Variants in SGPP2 observed in about 807,000 individuals in gnomAD.
SGPP2 encodes the protein sphingosine 1-phosphate phosphohydrolase 2.
SGPP2 carries 30 observed loss-of-function variants against 33.9 expected under a neutral mutation model. The observed-to-expected ratio is 0.89, with a 90% CI of 0.66 to 1.20. The LOEUF is 1.20. Ranked by LOEUF, SGPP2 falls within the 50% of genes most tolerant of loss-of-function variation. SGPP2 has a pLI of 0.00. For synonymous variants in SGPP2, 233 were observed against 225.0 expected (o/e 1.04, Z -0.32); for missense variants, 458 against 532.1 (o/e 0.86, Z 1.37).
intron 1 of SGPP2, among the ~76,000 whole-genome samples, chr2:222,441,902 C>G (rs1333286242): frequency 1.3e-5 from 2 of 152,090 alleles, no homozygotes; most frequent in African/African-American, 4.8e-5. Context: ...ATTTATTAAA[C>G]TATGTGAAGT....
intron 4 of SGPP2, among the ~76,000 whole-genome samples, chr2:222,532,358 AG>A (rs1698851718): frequency 6.6e-6 from 1 of 152,226 alleles, no homozygotes; most frequent in South Asian, 2.1e-4. Flanking sequence ...GAGCAATTCA[AG>A]GAGAGAAATA....
chr2:222,537,108 G>A (rs1018863271), intron 4 of SGPP2, among the ~76,000 whole-genome samples: 20 of 152,204 alleles, frequency 1.3e-4, no homozygotes, highest in African/African-American at 4.8e-4. Context: ...GGGGCAAACT[G>A]TGTGCCTCAG....
chr2:222,467,355 A>T (rs929484958), intron 1 of SGPP2, among the ~76,000 whole-genome samples: 6 of 152,134 alleles, frequency 3.9e-5, no homozygotes, highest in Non-Finnish European at 7.4e-5. Context: ...CTGTTGAGAC[A>T]TTTCTTTGCC....
At chr2:222,434,336 C>T (rs1315724363) in intron 1 of SGPP2, among the ~76,000 whole-genome samples, 1 of 152,112 alleles carries the variant, frequency 6.6e-6, no homozygotes, top group Non-Finnish European at 1.5e-5. Context: ...TGGGGCACAG[C>T]GCAATATCTC....
chr2:222,510,453 C>A (rs956798538), intron 2 of SGPP2, among the ~76,000 whole-genome samples: 1 of 152,184 alleles, frequency 6.6e-6, no homozygotes, highest in Non-Finnish European at 1.5e-5. Context: ...GGAAACAAAC[C>A]CGTAGATAGA....
chr2:222,491,649 A>C (rs1698199044), intron 2 of SGPP2, among the ~76,000 whole-genome samples: 1 of 152,194 alleles, frequency 6.6e-6, no homozygotes, highest in Non-Finnish European at 1.5e-5. Context: ...ATTTGAGATA[A>C]GAGTTGAGTA....
At chr2:222,454,269 A>G (rs1197917370) in intron 1 of SGPP2, among the ~76,000 whole-genome samples, 1 of 152,204 alleles carries the variant, frequency 6.6e-6, no homozygotes, top group South Asian at 2.1e-4. Context: ...AACGGGAAAT[A>G]TGACTCAGGT....
rs567418003 is a variant in SGPP2 at position 222,425,220 on chromosome 2, C to T, written c.219+399C>T. On this transcript the variant is annotated intron_variant, in intron 1 of 4. Coordinates refer to ENST00000321276, the MANE Select transcript of SGPP2 (RefSeq NM_152386.4). ...CCCCACCCCCGTATTCTTGCATTTC[C>T]GCCCATCCCCCTTCCCTGATGCGCA... Among the ~76,000 whole-genome samples the T allele has an allele frequency of 5.9e-5, 9 of 152,210 alleles. No individual in the cohort carries two copies. In the East Asian group the frequency reaches 1.5e-3, roughly 26 times the overall value.
chr2:222,545,228 G>A (rs1468507597), intron 4 of SGPP2, among the ~76,000 whole-genome samples: 1 of 150,548 alleles, frequency 6.6e-6, no homozygotes, highest in Non-Finnish European at 1.5e-5. Context: ...ACAGAACAAC[G>A]CTTAATGTAA....
intron 4 of SGPP2, among the ~76,000 whole-genome samples, chr2:222,552,815 A>G (rs896751322): frequency 5.3e-5 from 8 of 152,142 alleles, no homozygotes; most frequent in Non-Finnish European, 1.2e-4. Context: ...AGCTAAGATC[A>G]CACCATTGCA....
intron 4 of SGPP2, among the ~76,000 whole-genome samples, chr2:222,532,272 C>T (rs1574881890): frequency 6.7e-6 from 1 of 148,310 alleles, no homozygotes; most frequent in East Asian, 2.0e-4. Context: ...GAAACTCTGT[C>T]TCAAAAAAGA....
At chr2:222,496,850 T>C (rs555610680) in intron 2 of SGPP2, among the ~76,000 whole-genome samples, 3 of 152,324 alleles carry the variant, frequency 2.0e-5, no homozygotes, top group East Asian at 3.9e-4. Context: ...TGGTTTCTTA[T>C]TGCTTCTTGA....
intron 4 of SGPP2, among the ~76,000 whole-genome samples, chr2:222,542,804 T>A (rs1699017476): frequency 6.6e-6 from 1 of 151,932 alleles, no homozygotes; most frequent in South Asian, 2.1e-4. Context: ...TCCAAACTTC[T>A]TTTTCTTTTC....
chr2:222,459,328 G>T lies in SGPP2; in HGVS notation c.220-15240G>T, dbSNP rs554589593. ...CACCTGGCTAATTTTTATATTTTTT[G>T]TAGGGACAACAGGGTTTTACCATTT... On this transcript the variant is annotated intron_variant, in intron 1 of 4. Transcript: ENST00000321276. Among the ~76,000 whole-genome samples the T allele has an allele frequency of 1.7e-3, 253 of 151,540 alleles. 2 individuals carry two copies. The Middle Eastern group carries it at 0.017, about 10-fold the overall frequency.
chr2:222,452,766 T>A, intron 1 of SGPP2: 1 of 1,474,618 alleles, frequency 6.8e-7, no homozygotes, highest in Non-Finnish European at 9.5e-7. Context: ...TTCCTGGTGG[T>A]AAGAAGAGTA....
intron 1 of SGPP2, chr2:222,452,332 G>T: frequency 1.5e-6 from 1 of 668,708 alleles, no homozygotes; most frequent in Admixed American, 1.9e-5. Flanking sequence ...TGAGGGAGGG[G>T]AGGAGGGGAG....
chr2:222,458,227 T>A lies in SGPP2; in HGVS notation c.220-16341T>A, dbSNP rs56981243. ...CCATGCCTAGCTATTTTTTTTTTTTTAATTTTTTGTAGAGATGGAGAGTCA... is the reference window on the plus strand; with the variant it reads ...CCATGCCTAGCTATTTTTTTTTTTTAAATTTTTTGTAGAGATGGAGAGTCA... On this transcript the variant is annotated intron_variant, in intron 1 of 4. Coordinates refer to ENST00000321276, the MANE Select transcript of SGPP2 (RefSeq NM_152386.4). Among the ~76,000 whole-genome samples the A allele has an allele frequency of 7.9e-3, 1,201 of 151,152 alleles. 14 individuals are homozygous for A. Among genetic ancestry groups the A allele is most frequent in the African/African-American group, 0.028 (1,157 of 41,176 alleles).
chr2:222,464,820 T>C (rs1448585828), intron 1 of SGPP2, among the ~76,000 whole-genome samples: 3 of 152,190 alleles, frequency 2.0e-5, no homozygotes, highest in African/African-American at 7.2e-5. Context: ...GACAGTGTTT[T>C]TTCTAGTTAC....
At chr2:222,545,916 A>G (rs1689186912) in intron 4 of SGPP2, among the ~76,000 whole-genome samples, 2 of 152,204 alleles carry the variant, frequency 1.3e-5, no homozygotes, top group South Asian at 2.1e-4. Context: ...CTGTTACCAA[A>G]ATATATCCTG....
Sources: allele counts gnomAD v4.1 joint callset (sites outside exome capture counted in the v4.1 genomes callset), GRCh38; gene constraint gnomAD v4.1.1; transcripts MANE v1.5; gene names NCBI Gene and HGNC (gene_info 2026-07-23, HGNC 2026-07-21).